The following GRM7 variants were observed in gnomAD, a reference collection of about 807,000 sequenced individuals.
The protein encoded by GRM7 is metabotropic glutamate receptor 7.
A neutral mutation model predicts 84.5 loss-of-function variants in GRM7; 35 were observed. That is an observed-to-expected ratio of 0.41 (90% CI 0.32 to 0.55). The LOEUF (loss-of-function observed/expected upper bound fraction) is 0.55, where lower values mean the gene tolerates loss of function less well. Among genes scored for constraint, GRM7 ranks in the 20% least tolerant of loss-of-function variants. GRM7 has a pLI of 0.19. For missense variants in GRM7, 1,003 were observed against 1,194.6 expected, an observed-to-expected ratio of 0.84 and a Z score of 2.36; for synonymous variants, 487 against 455.1, an observed-to-expected ratio of 1.07 and a Z score of -0.89.
intron 2 of GRM7, among the ~76,000 whole-genome samples, chr3:7,159,832 TA>T (rs1694568792): frequency 6.6e-6 from 1 of 152,190 alleles, no homozygotes; most frequent in African/African-American, 2.4e-5. Flanking sequence ...AAAGTTGAGC[TA>T]GCCTTATTTT....
intron 1 of GRM7, among the ~76,000 whole-genome samples, chr3:7,139,047 TTATAATA>T (rs1416813895): frequency 6.8e-6 from 1 of 147,744 alleles, no homozygotes; most frequent in Admixed American, 6.8e-5. Context: ...ATATCCTACT[TTATAATA>T]TATAGTACAT....
chr3:6,961,432 C>T (rs1198311574), intron 1 of GRM7, among the ~76,000 whole-genome samples: 1 of 152,124 alleles, frequency 6.6e-6, no homozygotes, highest in Non-Finnish European at 1.5e-5. Flanking sequence ...AACTCTCCAC[C>T]TATTAGACTG....
intron 7 of GRM7, among the ~76,000 whole-genome samples, chr3:7,499,157 A>C (rs1396840931): frequency 1.3e-5 from 2 of 152,140 alleles, no homozygotes; most frequent in African/African-American, 4.8e-5. Context: ...GGATATCTCT[A>C]ACTTCCCATA....
At chr3:7,317,385 AAAT>A (rs760558721) in intron 4 of GRM7, among the ~76,000 whole-genome samples, 5 of 152,138 alleles carry the variant, frequency 3.3e-5, no homozygotes, top group Non-Finnish European at 7.4e-5. Flanking sequence ...TATGTAGAAT[AAAT>A]AATAATACTG....
chr3:7,130,825 G>A (rs1347025516), intron 1 of GRM7, among the ~76,000 whole-genome samples: 1 of 152,142 alleles, frequency 6.6e-6, no homozygotes, highest in East Asian at 1.9e-4. Flanking sequence ...TATTGAAAAT[G>A]TTAGATTCTA....
chr3:7,718,683 T>A (rs889530945), intron 9 of GRM7, among the ~76,000 whole-genome samples: 26 of 152,154 alleles, frequency 1.7e-4, no homozygotes, highest in Non-Finnish European at 5.9e-5. Flanking sequence ...GGGAGGAGAC[T>A]TATCCAAAGA....
intron 1 of GRM7, among the ~76,000 whole-genome samples, chr3:6,887,202 T>C (rs1279007401): frequency 6.6e-6 from 1 of 151,972 alleles, no homozygotes; most frequent in African/African-American, 2.4e-5. Context: ...TTTTTTTTTT[T>C]AGAAGTAAAG....
At chr3:6,906,363 G>T (rs1312885563) in intron 1 of GRM7, among the ~76,000 whole-genome samples, 3 of 151,996 alleles carry the variant, frequency 2.0e-5, no homozygotes, top group Admixed American at 2.0e-4. Context: ...GTTGCAGGAG[G>T]GGGGATTATG....
chr3:7,648,792 A>T (rs1698784847), intron 8 of GRM7, among the ~76,000 whole-genome samples: 1 of 152,222 alleles, frequency 6.6e-6, no homozygotes, highest in African/African-American at 2.4e-5. Context: ...TTCCAAGGTG[A>T]CAGCCACGGT....
At chr3:7,267,544 C>T (rs1698688001) in intron 2 of GRM7, among the ~76,000 whole-genome samples, 1 of 152,150 alleles carries the variant, frequency 6.6e-6, no homozygotes, top group Non-Finnish European at 1.5e-5. Context: ...TACTGAAACA[C>T]CGGGGGTTGG....
chr3:7,417,678 C>T (rs888677364), intron 5 of GRM7, among the ~76,000 whole-genome samples: 3 of 152,094 alleles, frequency 2.0e-5, no homozygotes, highest in African/African-American at 7.2e-5. Context: ...CTTCACAGAG[C>T]TCTCTCTGTG....
chr3:6,909,057 T>C (rs1575001411), intron 1 of GRM7, among the ~76,000 whole-genome samples: 3 of 152,296 alleles, frequency 2.0e-5, no homozygotes, highest in Admixed American at 2.0e-4. Context: ...TTAAATCCTT[T>C]CATGAATTCA....
At chr3:6,977,371 G>A (rs1032169726) in intron 1 of GRM7, among the ~76,000 whole-genome samples, 5 of 152,078 alleles carry the variant, frequency 3.3e-5, no homozygotes, top group Non-Finnish European at 7.4e-5. Context: ...TTGTCTGTGT[G>A]TGTGTGTGTC....
chr3:7,309,839 C>T (rs1227772763), intron 4 of GRM7, among the ~76,000 whole-genome samples: 1 of 152,122 alleles, frequency 6.6e-6, no homozygotes, highest in Non-Finnish European at 1.5e-5. Flanking sequence ...TGTGGTCCCG[C>T]TGCCTGCCCA....
At chr3:7,443,233 A>G (rs1039951546) in intron 5 of GRM7, among the ~76,000 whole-genome samples, 1 of 152,090 alleles carries the variant, frequency 6.6e-6, no homozygotes, top group Non-Finnish European at 1.5e-5. Flanking sequence ...CAGATACCCT[A>G]TACATATTTT....
chr3:7,206,152 CT>C (rs1165239354), intron 2 of GRM7, among the ~76,000 whole-genome samples: 1 of 152,118 alleles, frequency 6.6e-6, no homozygotes, highest in African/African-American at 2.4e-5. Context: ...TTCTCTTTCT[CT>C]TTTTCACTGC....
intron 9 of GRM7, among the ~76,000 whole-genome samples, chr3:7,716,199 T>C (rs1409645363): frequency 1.3e-5 from 2 of 152,172 alleles, no homozygotes. Flanking sequence ...GGGATGGATG[T>C]ATCCATGTCC....
chr3:7,493,973 A>G (rs1446967435), intron 7 of GRM7, among the ~76,000 whole-genome samples: 1 of 152,092 alleles, frequency 6.6e-6, no homozygotes, highest in Non-Finnish European at 1.5e-5. Flanking sequence ...CACTTTAAAT[A>G]TCATTATCTT....
In GRM7 at chr3:7,636,119, C is replaced by T. The variant is rs373984068; in HGVS notation, c.2452-43930C>T. On this transcript the variant is annotated intron_variant, in intron 8 of 9. Transcript: ENST00000357716. ...AAAATAGGTTTATGGTGAATTCTAC[C>T]TAGAGGTTGTTCATTTTGATGCATG... 1.2e-4 allele frequency: 50 copies of T among 413,368 alleles called. 1 individual carries two copies. The highest frequency in any genetic ancestry group is 7.5e-4 in the African/African-American group (37 of 49,032). 25.6% of individuals were successfully genotyped at this position (413,368 alleles called of 1,614,324 possible).
Sources: gnomAD v4.1 joint callset for allele counts (sites outside exome capture counted in the v4.1 genomes callset) on GRCh38, gnomAD v4.1.1 for gene constraint, MANE v1.5 for transcripts, NCBI Gene and HGNC (gene_info 2026-07-23, HGNC 2026-07-21) for gene names.